The following SLC27A6 variants were observed in gnomAD, a reference collection of about 807,000 sequenced individuals.
The protein encoded by SLC27A6 is long-chain fatty acid transport protein 6.
In SLC27A6, 74 loss-of-function variants were observed where a neutral mutation model predicts 63.9. The observed-to-expected ratio is 1.16, with a 90% CI of 0.96 to 1.40. The LOEUF is 1.40. Ranked by LOEUF, SLC27A6 falls within the 40% of genes most tolerant of loss-of-function variation. The pLI is 0.00. For synonymous variants in SLC27A6, 287 were observed against 260.8 expected, an observed-to-expected ratio of 1.10 and a Z score of -0.97; for missense variants, 794 against 732.9, an observed-to-expected ratio of 1.08 and a Z score of -0.96.
chr5:129,015,979 T>C lies in SLC27A6; in HGVS notation c.1064T>C (p.Ile355Thr). Residue 355 changes from isoleucine to threonine, a missense_variant, in exon 5 of 10, where the codon ATA (isoleucine) becomes ACA (threonine). Ile to Thr is a moderately conservative substitution (Grantham distance 89). Transcript: ENST00000262462. ...GAATTTTTAGACAGATTTGGAAATATAAAGGTGTGTGAACTTTATGCAGCT... is the reference window on the plus strand; with the variant it reads ...GAATTTTTAGACAGATTTGGAAATACAAAGGTGTGTGAACTTTATGCAGCT... The part of the protein sequence containing the change: ...WREFLDRFGN[I>T]KVCELYAATE... 6.2e-7 allele frequency: 1 copy of C among 1,610,696 alleles called. No homozygotes were observed. Among genetic ancestry groups the C allele is most frequent in the Non-Finnish European group, 8.5e-7 (1 of 1,178,678 alleles).
chr5:128,978,821 A>G (rs1750478833), intron 1 of SLC27A6, among the ~76,000 whole-genome samples: 1 of 152,206 alleles, frequency 6.6e-6, no homozygotes, highest in Admixed American at 6.5e-5. Flanking sequence ...GAATGCATAC[A>G]TGATGATGGT....
In SLC27A6 at chr5:129,027,224, T is replaced by C; in HGVS notation, c.1347T>C (p.Leu449=). ...ATAAGCACACAAAAGACAAATTGCT[T>C]TGTGATGTTTTTAAGAAGGGAGATG... ...GPYKHTKDKL[L]CDVFKKGDVY... The change falls in exon 7 of 10, where the codon CTT becomes CTC. Residue 449 remains leucine (L), a synonymous_variant. Transcript: ENST00000262462. 6.2e-7 allele frequency: 1 copy of C among 1,613,368 alleles called. No homozygotes were observed. The highest frequency in any genetic ancestry group is 1.1e-5 in the South Asian group (1 of 91,082).
intron 1 of SLC27A6, among the ~76,000 whole-genome samples, chr5:128,980,321 A>G (rs1044730984): frequency 1.3e-5 from 2 of 152,214 alleles, no homozygotes; most frequent in African/African-American, 2.4e-5. Context: ...TATAAGTTGT[A>G]TGGAGTCACT....
intron 3 of SLC27A6, 129 bp downstream of exon 3, chr5:128,988,887 A>G: frequency 1.6e-6 from 1 of 634,306 alleles, no homozygotes; most frequent in Non-Finnish European, 2.6e-6. Context: ...TTATAACACA[A>G]TATTTATTTT....
At chr5:129,027,388 A>G (rs1752281746) in intron 7 of SLC27A6, 57 bp downstream of exon 7, 1 of 1,318,246 alleles carries the variant, frequency 7.6e-7, no homozygotes, top group African/African-American at 1.5e-5. Context: ...ATGCTTCTAT[A>G]GAAACATCAG....
intron 6 of SLC27A6, among the ~76,000 whole-genome samples, chr5:129,026,285 C>T (rs1400378674): frequency 3.3e-5 from 5 of 152,126 alleles, no homozygotes. Context: ...TTGCTGCTGT[C>T]CTTTGTCCTC....
At chr5:129,004,337 T>C (rs1282555391) in intron 4 of SLC27A6, among the ~76,000 whole-genome samples, 1 of 152,188 alleles carries the variant, frequency 6.6e-6, no homozygotes, top group Non-Finnish European at 1.5e-5. Context: ...GCTCCCTAGC[T>C]CTGACTCTGT....
intron 1 of SLC27A6, among the ~76,000 whole-genome samples, chr5:128,979,489 A>G (rs2150131175): frequency 6.6e-6 from 1 of 152,198 alleles, no homozygotes; most frequent in Non-Finnish European, 1.5e-5. Context: ...GCGTTTTAAA[A>G]ATATATATAT....
intron 5 of SLC27A6, among the ~76,000 whole-genome samples, chr5:129,020,392 G>A (rs42356): frequency 0.22 from 33,726 of 151,878 alleles, 3,807 homozygotes; most frequent in Middle Eastern, 0.28. Context: ...GGTGAACATT[G>A]GATCAATTCA....
intron 1 of SLC27A6, among the ~76,000 whole-genome samples, chr5:128,982,217 T>C (rs1459556875): frequency 2.6e-5 from 4 of 152,182 alleles, no homozygotes; most frequent in Non-Finnish European, 5.9e-5. Flanking sequence ...ACTTTCTCTA[T>C]CCTCACCCAC....
intron 1 of SLC27A6, among the ~76,000 whole-genome samples, chr5:128,973,305 G>C (rs1189885786): frequency 1.3e-5 from 2 of 152,214 alleles, no homozygotes; most frequent in Admixed American, 1.3e-4. Flanking sequence ...TCTCTTCAGA[G>C]CTGTCAGATG....
In SLC27A6 at chr5:128,988,672, G is replaced by C. The variant is rs761169527; in HGVS notation, c.758G>C (p.Cys253Ser). ...RGSAVLWAFG[C>S]TAHDIVYITL... ...TCTGCTGTCCTGTGGGCTTTTGGTTGTACTGCTCATGACATTGTTTATATA... is the reference window on the plus strand; with the variant it reads ...TCTGCTGTCCTGTGGGCTTTTGGTTCTACTGCTCATGACATTGTTTATATA... Residue 253 changes from cysteine to serine, a missense_variant, in exon 3 of 10, where the codon TGT becomes TCT. Physicochemically the swap from Cys to Ser is moderately radical, Grantham distance 112. Coordinates refer to ENST00000262462, the MANE Select transcript of SLC27A6 (RefSeq NM_001017372.3). 16 of 1,613,724 alleles carry C rather than the reference G, an allele frequency of 9.9e-6. No homozygotes were observed. Among genetic ancestry groups the C allele is most frequent in the Middle Eastern group, 3.3e-4 (2 of 6,084 alleles).
At chr5:128,988,203 T>C (rs1554096826) in intron 2 of SLC27A6, among the ~76,000 whole-genome samples, 1 of 152,056 alleles carries the variant, frequency 6.6e-6, no homozygotes, top group South Asian at 2.1e-4. Flanking sequence ...TTCAAGTGTA[T>C]AGGTGGCAAA....
chr5:128,973,254 C>G (rs189378570), intron 1 of SLC27A6, among the ~76,000 whole-genome samples: 1,938 of 152,294 alleles, frequency 0.013, 47 homozygotes, highest in African/African-American at 0.044. Context: ...GGCAGTCTGT[C>G]GGTTCTCAGA....
chr5:129,021,077 C>T (rs551191304), intron 5 of SLC27A6, among the ~76,000 whole-genome samples: 7 of 151,448 alleles, frequency 4.6e-5, no homozygotes, highest in Admixed American at 2.6e-4. Flanking sequence ...CTTCCATCTC[C>T]TGCCCCTTGG....
chr5:129,002,202 G>A (rs141457539), intron 4 of SLC27A6, among the ~76,000 whole-genome samples: 3 of 152,320 alleles, frequency 2.0e-5, no homozygotes, highest in African/African-American at 7.2e-5. Flanking sequence ...GATGAAATGA[G>A]CATTTTCTAC....
intron 1 of SLC27A6, among the ~76,000 whole-genome samples, chr5:128,970,272 G>A (rs1024152653): frequency 6.6e-6 from 1 of 151,784 alleles, no homozygotes; most frequent in East Asian, 1.9e-4. Flanking sequence ...GATGATGTTG[G>A]CCTCATGAAT....
intron 2 of SLC27A6, among the ~76,000 whole-genome samples, chr5:128,986,088 G>T (rs1432110540): frequency 6.6e-6 from 1 of 152,142 alleles, no homozygotes; most frequent in East Asian, 1.9e-4. Context: ...AAGGCAGGAG[G>T]ATTACTTGAG....
chr5:128,972,410 A>G (rs1217253913), intron 1 of SLC27A6, among the ~76,000 whole-genome samples: 1 of 152,192 alleles, frequency 6.6e-6, no homozygotes, highest in Admixed American at 6.5e-5. Flanking sequence ...AATCAAACGT[A>G]GATTTGGTCT....
Sources: allele counts gnomAD v4.1 joint callset (sites outside exome capture counted in the v4.1 genomes callset), GRCh38; gene constraint gnomAD v4.1.1; transcripts MANE v1.5; gene names NCBI Gene and HGNC (gene_info 2026-07-23, HGNC 2026-07-21).